Variants in ZBTB44 observed in about 807,000 individuals in gnomAD.
The protein encoded by ZBTB44 is zinc finger and BTB domain containing 44.
Under a neutral mutation model 54.0 loss-of-function variants are expected in ZBTB44, and 15 were observed. That is an observed-to-expected ratio of 0.28 (90% CI 0.19 to 0.43). The LOEUF (loss-of-function observed/expected upper bound fraction) is 0.43, where lower values mean the gene tolerates loss of function less well. ZBTB44 is among the 20% of genes least tolerant of loss of function. The probability of loss-of-function intolerance (pLI) is 1.00; values close to 1 mark genes in which losing one functional copy is unlikely to be tolerated. For synonymous variants in ZBTB44, 230 were observed against 250.1 expected, an observed-to-expected ratio of 0.92 and a Z score of 0.76; for missense variants, 487 against 707.1, an observed-to-expected ratio of 0.69 and a Z score of 3.53.
intron 1 of ZBTB44, among the ~76,000 whole-genome samples, chr11:130,286,812 AC>A (rs1253850885): frequency 6.6e-6 from 1 of 152,206 alleles, no homozygotes; most frequent in Non-Finnish European, 1.5e-5. Flanking sequence ...ATGACCTTAA[AC>A]AAGTGAGCTT....
chr11:130,228,395 T>G lies in ZBTB44; in HGVS notation c.*3369A>C, dbSNP rs191254065. 10 of 152,336 alleles carry G rather than the reference T, an allele frequency of 6.6e-5. No individual in the cohort carries two copies. In the East Asian group the frequency reaches 1.9e-3, roughly 29 times the overall value. 9.4% of individuals were successfully genotyped at this position (152,336 alleles called of 1,614,324 possible). A position where few individuals can be genotyped will look rare whatever the true frequency, so the allele number is the denominator to read the frequency against. ...AGCAGTGCAACTTTCAACAATTTAA[T>G]GGACTACTCTCATTATGAGAGACTT... is the stretch of plus-strand genomic sequence containing the variant. On this transcript the variant is annotated 3_prime_UTR_variant, in exon 8 of 8. Transcript: ENST00000357899.
chr11:130,249,733 A>G (rs1305117203), intron 2 of ZBTB44, among the ~76,000 whole-genome samples: 1 of 152,256 alleles, frequency 6.6e-6, no homozygotes, highest in East Asian at 1.9e-4. Flanking sequence ...TGGCCCAGAT[A>G]CTACGCTTTT....
At chr11:130,308,688 C>T (rs536545174) in intron 1 of ZBTB44, among the ~76,000 whole-genome samples, 1 of 152,290 alleles carries the variant, frequency 6.6e-6, no homozygotes, top group South Asian at 2.1e-4. Flanking sequence ...CTACACATAC[C>T]CATGCAACTG....
At chr11:130,295,469 GA>G (rs1478742105) in intron 1 of ZBTB44, among the ~76,000 whole-genome samples, 1 of 152,134 alleles carries the variant, frequency 6.6e-6, no homozygotes. Context: ...AATCTGAGAA[GA>G]AAGTGCCGAG....
At chr11:130,303,946 T>C (rs1942129009) in intron 1 of ZBTB44, among the ~76,000 whole-genome samples, 1 of 152,208 alleles carries the variant, frequency 6.6e-6, no homozygotes, top group African/African-American at 2.4e-5. Flanking sequence ...GTCAGTGATT[T>C]ACTCCAGGGT....
At chr11:130,264,878 C>T (rs946914389) in intron 1 of ZBTB44, among the ~76,000 whole-genome samples, 1 of 152,292 alleles carries the variant, frequency 6.6e-6, no homozygotes, top group African/African-American at 2.4e-5. Context: ...TCTACTGGTG[C>T]CACTTTCCAC....
intron 1 of ZBTB44, among the ~76,000 whole-genome samples, chr11:130,302,674 G>C (rs946222862): frequency 2.0e-5 from 3 of 152,188 alleles, no homozygotes; most frequent in Non-Finnish European, 4.4e-5. Context: ...ACCACCACCA[G>C]TAAAAAAGTG....
At chr11:130,291,197 T>A (rs1036888579) in intron 1 of ZBTB44, among the ~76,000 whole-genome samples, 1 of 152,012 alleles carries the variant, frequency 6.6e-6, no homozygotes, top group Non-Finnish European at 1.5e-5. Flanking sequence ...AGTGGTGCAA[T>A]CTTGGCTCTT....
intron 1 of ZBTB44, among the ~76,000 whole-genome samples, chr11:130,275,108 T>G (rs1166324380): frequency 6.6e-6 from 1 of 152,216 alleles, no homozygotes; most frequent in East Asian, 1.9e-4. Context: ...AAATTTTTCA[T>G]AGTATTCTTT....
chr11:130,237,256 A>G (rs1365842199), intron 4 of ZBTB44, among the ~76,000 whole-genome samples, 163 bp from the exon 5 acceptor site: 2 of 152,252 alleles, frequency 1.3e-5, no homozygotes, highest in Admixed American at 1.3e-4. Flanking sequence ...AATGTGCAGA[A>G]TATGTGAAAA....
intron 2 of ZBTB44, among the ~76,000 whole-genome samples, chr11:130,241,716 AT>A (rs1403025181): frequency 3.3e-5 from 5 of 152,056 alleles, no homozygotes; most frequent in African/African-American, 1.2e-4. Context: ...AATTTAATTA[AT>A]CCTTTTCTCA....
At chr11:130,247,987 G>T (rs1203310557) in intron 2 of ZBTB44, among the ~76,000 whole-genome samples, 1 of 152,040 alleles carries the variant, frequency 6.6e-6, no homozygotes, top group Non-Finnish European at 1.5e-5. Context: ...ATGGGCAAGT[G>T]GAAACAAAAG....
chr11:130,241,985 T>C (rs1366630823), intron 2 of ZBTB44, among the ~76,000 whole-genome samples: 2 of 152,238 alleles, frequency 1.3e-5, no homozygotes, highest in African/African-American at 2.4e-5. Context: ...TGCCAATCTT[T>C]AGTTACTGTA....
At chr11:130,312,383 G>A (rs889323992) in intron 1 of ZBTB44, among the ~76,000 whole-genome samples, 1 of 152,200 alleles carries the variant, frequency 6.6e-6, no homozygotes, top group Non-Finnish European at 1.5e-5. Flanking sequence ...GTGGGAATCT[G>A]ACATTGTGTG....
At position 130,295,765 on chromosome 11, in the gene ZBTB44, T is replaced by C. The variant is rs1941602967; in HGVS notation, c.-57+18610A>G. ...ACCCTGGCTTTTCTCAAACCTGCAG[T>C]AGAACTCATTGTTAAAATTCATGCC... On this transcript the variant is annotated intron_variant, in intron 1 of 7. Transcript: ENST00000357899. The C allele has an allele frequency of 1.2e-5, 18 of 1,493,370 alleles. 1 individual carries two copies. In the South Asian group the frequency reaches 1.7e-4, roughly 14 times the overall value. The allele number at this position is 1,493,370 out of a possible 1,614,324, so 92.5% of individuals were successfully genotyped here.
At chr11:130,312,145 T>G (rs1592092588) in intron 1 of ZBTB44, among the ~76,000 whole-genome samples, 1 of 152,322 alleles carries the variant, frequency 6.6e-6, no homozygotes, top group Non-Finnish European at 1.5e-5. Flanking sequence ...CTGCACTTAA[T>G]GAAGGAAATC....
chr11:130,271,424 C>T (rs1241395063), intron 1 of ZBTB44, among the ~76,000 whole-genome samples: 2 of 152,106 alleles, frequency 1.3e-5, no homozygotes, highest in African/African-American at 4.8e-5. Flanking sequence ...GACCAGATAA[C>T]AAGGAAGCTA....
chr11:130,245,434 A>G (rs1450974009), intron 2 of ZBTB44, among the ~76,000 whole-genome samples: 1 of 152,224 alleles, frequency 6.6e-6, no homozygotes, highest in African/African-American at 2.4e-5. Context: ...TCCTGGGCTA[A>G]GAAACTGGAA....
intron 1 of ZBTB44, among the ~76,000 whole-genome samples, chr11:130,289,308 C>T (rs138768062): frequency 6.6e-6 from 1 of 151,946 alleles, no homozygotes; most frequent in African/African-American, 2.4e-5. Flanking sequence ...CATGGTGAAA[C>T]CCCGTCTCTA....
Sources: gnomAD v4.1 joint callset for allele counts (sites outside exome capture counted in the v4.1 genomes callset) on GRCh38, gnomAD v4.1.1 for gene constraint, MANE v1.5 for transcripts, NCBI Gene and HGNC (gene_info 2026-07-23, HGNC 2026-07-21) for gene names.